Variants in SOX5 observed in about 807,000 individuals in gnomAD.
SOX5 encodes the protein SRY-box transcription factor 5, also known as transcription factor SOX-5.
Under a neutral mutation model 92.0 loss-of-function variants are expected in SOX5, and 9 were observed. The ratio of observed to expected loss-of-function variants is 0.10; its 90% CI spans 0.06 to 0.17. The LOEUF is 0.17. SOX5 is among the 10% of genes least tolerant of loss of function. SOX5 has a pLI of 1.00. For synonymous variants in SOX5, 344 were observed against 336.3 expected (o/e 1.02, Z -0.25); for missense variants, 642 against 944.5 (o/e 0.68, Z 4.20).
chr12:23,664,322 C>CAT (rs34331621), intron 7 of SOX5, among the ~76,000 whole-genome samples: 137 of 150,024 alleles, frequency 9.1e-4, no homozygotes, highest in East Asian at 2.0e-3. Flanking sequence ...AATTCATTAA[C>CAT]ATATATATAT....
rs536617747 is a variant in SOX5 at position 24,398,146 on chromosome 12, G to A, written c.-250-29507C>T. On this transcript the variant is annotated intron_variant, in intron 1 of 4. Transcript: ENST00000446891. ...ATTACAGGTGTGAGCCACCACACCC[G>A]GCCAAATATTATTTTTTATAGAAAG... Among the ~76,000 whole-genome samples the A allele has an allele frequency of 3.4e-4, 52 of 152,106 alleles. 2 individuals are homozygous for A. Among genetic ancestry groups the A allele is most frequent in the African/African-American group, 1.1e-3 (46 of 41,500 alleles).
intron 1 of SOX5, among the ~76,000 whole-genome samples, chr12:24,406,749 T>C (rs1963048226): frequency 6.6e-6 from 1 of 151,888 alleles, no homozygotes; most frequent in Non-Finnish European, 1.5e-5. Context: ...AATCTAAGAA[T>C]GAACTTGTGA....
intron 6 of SOX5, among the ~76,000 whole-genome samples, chr12:23,699,048 A>G (rs1321452247): frequency 6.6e-6 from 1 of 152,206 alleles, no homozygotes; most frequent in Non-Finnish European, 1.5e-5. Flanking sequence ...ATACATATGC[A>G]CTGATTAGTA....
chr12:24,531,505 C>G (rs1951193203), intron 1 of SOX5, among the ~76,000 whole-genome samples: 1 of 152,084 alleles, frequency 6.6e-6, no homozygotes, highest in South Asian at 2.1e-4. Flanking sequence ...TATAGTATAA[C>G]TATAAAGTAA....
intron 9 of SOX5, among the ~76,000 whole-genome samples, chr12:23,579,505 A>T (rs1949748733): frequency 6.6e-6 from 1 of 152,128 alleles, no homozygotes; most frequent in South Asian, 2.1e-4. Flanking sequence ...CCAAATGCCT[A>T]TTATTTATGA....
chr12:23,905,960 GTCTC>G (rs2097289367), intron 1 of SOX5, among the ~76,000 whole-genome samples: 1 of 152,116 alleles, frequency 6.6e-6, no homozygotes, highest in African/African-American at 2.4e-5. Flanking sequence ...TGGTCACAGA[GTCTC>G]TCTAATCATC....
At chr12:24,034,867 G>C (rs1442288149) in intron 4 of SOX5, among the ~76,000 whole-genome samples, 1 of 152,006 alleles carries the variant, frequency 6.6e-6, no homozygotes, top group Non-Finnish European at 1.5e-5. Context: ...TCTTGAAACC[G>C]TACATTTTTG....
intron 1 of SOX5, among the ~76,000 whole-genome samples, chr12:24,525,591 G>A (rs1950629577): frequency 6.6e-6 from 1 of 152,224 alleles, no homozygotes; most frequent in Non-Finnish European, 1.5e-5. Flanking sequence ...CAGTAGCCAG[G>A]CCGGGCGTGG....
chr12:24,505,519 T>C (rs1246812597), intron 1 of SOX5, among the ~76,000 whole-genome samples: 1 of 152,182 alleles, frequency 6.6e-6, no homozygotes, highest in African/African-American at 2.4e-5. Flanking sequence ...AGCCATAAGA[T>C]AGATAAACAT....
At chr12:23,893,519 T>G (rs1249698210) in intron 2 of SOX5, among the ~76,000 whole-genome samples, 1 of 152,154 alleles carries the variant, frequency 6.6e-6, no homozygotes, top group Non-Finnish European at 1.5e-5. Flanking sequence ...AACTACATTA[T>G]GTATGTATCA....
intron 2 of SOX5, among the ~76,000 whole-genome samples, chr12:23,874,398 C>T (rs570013060): frequency 2.0e-5 from 3 of 152,254 alleles, no homozygotes; most frequent in East Asian, 1.9e-4. Context: ...ACGCACCATA[C>T]GCAGACCACC....
At position 24,452,600 on chromosome 12, in the gene SOX5, G is replaced by A. The variant is rs60912726; in HGVS notation, c.-250-83961C>T. ...AAGAGACCACCAAGGACATCACCCTGCCTGTTAGAATATTTTTATATCTCC... is the reference window on the plus strand; with the variant it reads ...AAGAGACCACCAAGGACATCACCCTACCTGTTAGAATATTTTTATATCTCC... On this transcript the variant is annotated intron_variant, in intron 1 of 4. Transcript: ENST00000446891. Among the ~76,000 whole-genome samples, 321 of 152,278 alleles carry A rather than the reference G, an allele frequency of 2.1e-3. 1 individual carries two copies. Among genetic ancestry groups the A allele is most frequent in the African/African-American group, 7.4e-3 (309 of 41,548 alleles).
rs548032402 is a variant in SOX5, at chr12:24,053,945, C to G, written c.-1-157921G>C. On this transcript the variant is annotated intron_variant, in intron 4 of 4. Coordinates refer to the SOX5 transcript ENST00000446891. ...GGGAGGATAAGTGACTTGCGCAAAG[C>G]CTTAGAGCAGTGAAGTAATGAAACA... Among the ~76,000 whole-genome samples the G allele has an allele frequency of 2.0e-5, 3 of 152,264 alleles. No homozygotes were observed. In the South Asian group the frequency reaches 6.2e-4, roughly 32 times the overall value.
At chr12:24,150,476 A>C (rs1951543990) in intron 4 of SOX5, among the ~76,000 whole-genome samples, 1 of 152,152 alleles carries the variant, frequency 6.6e-6, no homozygotes, top group Admixed American at 6.6e-5. Context: ...TTATGGACGG[A>C]AGATAAAAAT....
rs527755553 is a variant in SOX5, at chr12:23,938,404, T to C, written c.38+11160A>G. Reference sequence around the variant, plus strand: ...CTATAATGTGCTAGATTAGTACACATAATTGTGTCAAGTTATTTAATGTTT... The same window carrying C: ...CTATAATGTGCTAGATTAGTACACACAATTGTGTCAAGTTATTTAATGTTT... On this transcript the variant is annotated intron_variant, in intron 1 of 14. Transcript: ENST00000451604. Among the ~76,000 whole-genome samples the C allele has an allele frequency of 6.6e-5, 10 of 151,130 alleles. No homozygotes were observed. In the South Asian group the frequency reaches 2.1e-3, roughly 31 times the overall value.
rs191978539 is a variant in SOX5, at chr12:24,190,630, A to C, written c.-2+22713T>G. Among the ~76,000 whole-genome samples, 81 of 152,292 alleles carry C rather than the reference A, an allele frequency of 5.3e-4. No homozygotes were observed. The Middle Eastern group carries it at 0.01, about 19-fold the overall frequency. ...TTCTCTGGTCTCCGTGATTCGGATC[A>C]TATTTGGAGCCATTGTGGGTAGCAA... is the stretch of plus-strand genomic sequence containing the variant. On this transcript the variant is annotated intron_variant, in intron 4 of 4. Transcript: ENST00000446891.
chr12:24,210,894 T>G (rs977747455), intron 4 of SOX5, among the ~76,000 whole-genome samples: 2 of 152,240 alleles, frequency 1.3e-5, no homozygotes, highest in Non-Finnish European at 2.9e-5. Context: ...TTTTAAATGA[T>G]GTACACAACT....
intron 1 of SOX5, among the ~76,000 whole-genome samples, chr12:23,934,230 C>T (rs879306653): frequency 2.6e-5 from 4 of 151,254 alleles, no homozygotes; most frequent in Non-Finnish European, 5.9e-5. Context: ...AGCTTCTTTC[C>T]ATTAGAAAAT....
At chr12:23,634,569 A>G (rs1475024678) in intron 8 of SOX5, among the ~76,000 whole-genome samples, 2 of 152,174 alleles carry the variant, frequency 1.3e-5, no homozygotes, top group East Asian at 3.9e-4. Flanking sequence ...TCCGGAATAG[A>G]CTGAGTAGGT....
Sources: allele counts gnomAD v4.1 joint callset (sites outside exome capture counted in the v4.1 genomes callset), GRCh38; gene constraint gnomAD v4.1.1; transcripts MANE v1.5; gene names NCBI Gene and HGNC (gene_info 2026-07-23, HGNC 2026-07-21).